Variants in TMEM31 observed in about 807,000 individuals in gnomAD.
TMEM31 encodes the protein testicular secretory protein Li 58.
TMEM31 carries 1 observed loss-of-function variant against 2.4 expected under a neutral mutation model. The observed-to-expected ratio is 0.42, with a 90% confidence interval of 0.15 to 1.97. The LOEUF is 1.97. Among genes scored for constraint, TMEM31 ranks in the 30% most tolerant of loss-of-function variants. TMEM31 has a pLI of 0.30. For synonymous variants in TMEM31, 47 were observed against 45.8 expected (o/e 1.03, Z -0.10); for missense variants, 119 against 121.3 (o/e 0.98, Z 0.09).
intron 2 of TMEM31, 95 bp downstream of exon 2, chrX:103,712,455 C>A: frequency 1.3e-6 from 1 of 752,271 alleles, no homozygotes; most frequent in Non-Finnish European, 1.9e-6. Context: ...GAATTCTTAA[C>A]CACCAATTAG....
rs748123981 is a variant in TMEM31, at chrX:103,713,854, GC to G, written c.366del (p.Ile123SerfsTer43). The G allele has an allele frequency of 2.1e-5, 26 of 1,209,964 alleles. No homozygotes were observed. The South Asian group carries it at 4.2e-4, about 20-fold the overall frequency. On this transcript the variant is annotated frameshift_variant, in exon 3 of 3. Coordinates refer to ENST00000319560, the MANE Select transcript of TMEM31 (RefSeq NM_182541.2). LOFTEE classifies it low-confidence loss of function (END_TRUNC). Reference sequence around the variant, plus strand: ...AAGCCCAGATGGAAAAGATCGGACTGCCCATCATACTCCACCTCTTCGCACT... The same window carrying G: ...AAGCCCAGATGGAAAAGATCGGACTGCCATCATACTCCACCTCTTCGCACT... Reference protein sequence around the residue: ...LKAQMEKIGLPIILHLFALST... With the variant: ...LKAQMEKIGLXIILHLFALST...
At position 103,713,849 on chromosome X, in the gene TMEM31, G is replaced by A. The variant is rs765110784; in HGVS notation, c.358G>A (p.Gly120Arg). ...TCTGAAAGCCCAGATGGAAAAGATC[G>A]GACTGCCCATCATACTCCACCTCTT... ...HCLKAQMEKI[G>R]LPIILHLFAL... The change falls in exon 3 of 3, where the codon GGA becomes AGA. Residue 120 changes from glycine (G) to arginine (R), a missense_variant. Physicochemically the swap from Gly to Arg is moderately radical, Grantham distance 125. Transcript: ENST00000319560. The A allele has an allele frequency of 9.9e-6, 12 of 1,209,751 alleles. No homozygotes were observed. The highest frequency in any genetic ancestry group is 3.5e-5 in the African/African-American group (2 of 57,039).
At chrX:103,712,401 C>G (rs757954264) in intron 2 of TMEM31, 41 bp downstream of exon 2, 3 of 1,073,741 alleles carry the variant, frequency 2.8e-6, no homozygotes, top group Non-Finnish European at 3.8e-6. Flanking sequence ...TTATGGGGGT[C>G]CTCTTATAAT....
chrX:103,711,768 T>C (rs1419714929), intron 1 of TMEM31, among the ~76,000 whole-genome samples: 1 of 111,468 alleles, frequency 9.0e-6, no homozygotes, highest in Non-Finnish European at 1.9e-5. Flanking sequence ...GCAAGGGACA[T>C]GAAACCAAGG....
rs1194413814 is a variant in TMEM31, at chrX:103,714,012, A to G, written c.*14A>G. The G allele has an allele frequency of 2.6e-6, 3 of 1,162,520 alleles. No individual in the cohort carries two copies. The highest frequency in any genetic ancestry group is 3.4e-6 in the Non-Finnish European group (3 of 872,763). On this transcript the variant is annotated 3_prime_UTR_variant, in exon 3 of 3. Coordinates refer to ENST00000319560, the MANE Select transcript of TMEM31 (RefSeq NM_182541.2). ...ATCTTCTTCTGATTCTTTTGTTTCAATAAACAGCAATGAGCATGAACACTG... is the reference window on the plus strand; with the variant it reads ...ATCTTCTTCTGATTCTTTTGTTTCAGTAAACAGCAATGAGCATGAACACTG...
At chrX:103,711,535 C>A (rs2074224068) in intron 1 of TMEM31, among the ~76,000 whole-genome samples, 1 of 110,369 alleles carries the variant, frequency 9.1e-6, no homozygotes, top group Non-Finnish European at 1.9e-5. Flanking sequence ...TTTTCTTGCC[C>A]TTCTGCTAGG....
intron 2 of TMEM31, 169 bp from the exon 3 acceptor site, chrX:103,713,425 C>A: frequency 1.0e-6 from 1 of 982,896 alleles, no homozygotes; most frequent in Non-Finnish European, 1.4e-6. Context: ...CTAGTCCTTG[C>A]AGCCCTGGGG....
Position 103,713,998 on chromosome X carries a change from A to G in TMEM31, c.507A>G (p.Ter169TrpextTer9), listed in dbSNP as rs749553961. 7 of 1,176,562 alleles carry G rather than the reference A, an allele frequency of 5.9e-6. No individual in the cohort carries two copies. Among genetic ancestry groups the G allele is most frequent in the Non-Finnish European group, 6.8e-6 (6 of 879,029 alleles). Reference sequence around the variant, plus strand: ...TTGTCTTCATTCTGATCTTCTTCTGATTCTTTTGTTTCAATAAACAGCAAT... The same window carrying G: ...TTGTCTTCATTCTGATCTTCTTCTGGTTCTTTTGTTTCAATAAACAGCAAT... ...FIIVFILIFF[*>W] Residue 169 changes from the stop codon to tryptophan (W), a stop_lost, in exon 3 of 3, where the codon TGA (stop) becomes TGG (tryptophan). Transcript: ENST00000319560.
chrX:103,712,303 C>T lies in TMEM31; in HGVS notation c.45C>T (p.Pro15=), dbSNP rs770772333. The T allele has an allele frequency of 2.5e-5, 30 of 1,208,618 alleles. No homozygotes were observed. The East Asian group carries it at 3.9e-4, about 16-fold the overall frequency. The change falls in exon 2 of 3, where the codon CCC becomes CCT. Residue 15 remains proline, a synonymous_variant. Coordinates refer to ENST00000319560, the MANE Select transcript of TMEM31 (RefSeq NM_182541.2). ...GTGAGGGAGAACAACAACTCAAGCCCAACAACTCTAATGCACCCAATGAAG... is the reference window on the plus strand; with the variant it reads ...GTGAGGGAGAACAACAACTCAAGCCTAACAACTCTAATGCACCCAATGAAG... ...EKSEGEQQLK[P]NNSNAPNEDQ... is the part of the protein sequence containing the mutation.
chrX:103,713,180 T>A (rs1218820655), intron 2 of TMEM31, among the ~76,000 whole-genome samples: 1 of 109,946 alleles, frequency 9.1e-6, no homozygotes, highest in African/African-American at 3.3e-5. Context: ...AAACTCCGCC[T>A]CCTGGGTTCA....
At position 103,712,366 on chromosome X, in the gene TMEM31, T is replaced by G; in HGVS notation, c.102+6T>G. On this transcript the variant is annotated splice_donor_region_variant and intron_variant, in intron 2 of 2. Coordinates refer to ENST00000319560, the MANE Select transcript of TMEM31 (RefSeq NM_182541.2). Reference sequence around the variant, plus strand: ...AAATCCAACAGTCAGAACAGGCAAGTGGTGGTTTCTCAATTCCAACTTAGT... The same window carrying G: ...AAATCCAACAGTCAGAACAGGCAAGGGGTGGTTTCTCAATTCCAACTTAGT... The G allele has an allele frequency of 1.7e-6, 2 of 1,192,761 alleles. No homozygotes were observed. Among genetic ancestry groups the G allele is most frequent in the Non-Finnish European group, 2.3e-6 (2 of 884,600 alleles).
chrX:103,713,510 T>C, intron 2 of TMEM31, 84 bp from the exon 3 acceptor site: 1 of 1,208,814 alleles, frequency 8.3e-7, no homozygotes, highest in Non-Finnish European at 1.1e-6. Flanking sequence ...CGCTCCCTAG[T>C]TGTACTCACC....
rs2074234584 is a variant in TMEM31, at chrX:103,713,856, C to T, written c.365C>T (p.Pro122Leu). ...GCCCAGATGGAAAAGATCGGACTGC[C>T]CATCATACTCCACCTCTTCGCACTC... ...LKAQMEKIGL[P>L]IILHLFALST... The change falls in exon 3 of 3, where the codon CCC (proline) becomes CTC (leucine). Residue 122 changes from proline (P) to leucine (L), a missense_variant. Pro to Leu is a moderately conservative substitution (Grantham distance 98, BLOSUM62 -3). Transcript: ENST00000319560. 4 of 1,210,010 alleles carry T rather than the reference C, an allele frequency of 3.3e-6. No individual in the cohort carries two copies. Among genetic ancestry groups the T allele is most frequent in the Non-Finnish European group, 3.4e-6 (3 of 895,214 alleles).
Position 103,713,617 on chromosome X carries a change from A to T in TMEM31, c.126A>T (p.Thr42=), listed in dbSNP as rs769015860. Residue 42 remains threonine (T), a synonymous_variant, in exon 3 of 3, where the codon ACA becomes ACT. Coordinates refer to ENST00000319560, the MANE Select transcript of TMEM31 (RefSeq NM_182541.2). ...AGCATACTCCAGCAAGGCAGCGAAC[A>T]CAAAGAGCAGACACACAGCCATCCA... ...SEQHTPARQR[T]QRADTQPSRC... is the part of the protein sequence containing the mutation. 1.1e-5 allele frequency: 13 copies of T among 1,210,655 alleles called. No individual in the cohort carries two copies. The African/African-American group carries it at 1.7e-4, about 16-fold the overall frequency.
rs1221976495 is a variant in TMEM31 at position 103,713,947 on chromosome X, T to A, written c.456T>A (p.Leu152=). Reference sequence around the variant, plus strand: ...TTTCCCTTTCTTTCTTTATTCTTCTTGTACTTCTGCTTCTGCTTTTTATTA... The same window carrying A: ...TTTCCCTTTCTTTCTTTATTCTTCTAGTACTTCTGCTTCTGCTTTTTATTA... ...TILSLSFFIL[L]VLLLLLFIIV... Residue 152 remains leucine, a synonymous_variant, in exon 3 of 3, where the codon CTT becomes CTA. Transcript: ENST00000319560. 1 of 1,207,752 alleles carries A rather than the reference T, an allele frequency of 8.3e-7. No individual in the cohort carries two copies. Among genetic ancestry groups the A allele is most frequent in the Non-Finnish European group, 1.1e-6 (1 of 894,038 alleles).
rs747142138 is a variant in TMEM31, at chrX:103,713,943, T to C, written c.452T>C (p.Leu151Pro). The C allele has an allele frequency of 1.1e-5, 13 of 1,207,824 alleles. No individual in the cohort carries two copies. The highest frequency in any genetic ancestry group is 1.2e-5 in the Non-Finnish European group (11 of 894,072). Residue 151 changes from leucine to proline, a missense_variant, in exon 3 of 3, where the codon CTT becomes CCT. Physicochemically the swap from Leu to Pro is moderately conservative, Grantham distance 98. Transcript: ENST00000319560. The stretch of plus-strand genomic sequence containing the variant: ...ATTCTTTCCCTTTCTTTCTTTATTC[T>C]TCTTGTACTTCTGCTTCTGCTTTTT... ...PTILSLSFFILLVLLLLLFII... is the reference protein window; with the variant it reads ...PTILSLSFFIPLVLLLLLFII...
chrX:103,713,891 T>C lies in TMEM31; in HGVS notation c.400T>C (p.Tyr134His), dbSNP rs1402672631. 8.2e-7 allele frequency: 1 copy of C among 1,212,219 alleles called. No individual in the cohort carries two copies. The highest frequency in any genetic ancestry group is 1.1e-6 in the Non-Finnish European group (1 of 895,615). Reference protein sequence around the residue: ...ILHLFALSTLYFYKFFLPTIL... With the variant: ...ILHLFALSTLHFYKFFLPTIL... Reference sequence around the variant, plus strand: ...CCACCTCTTCGCACTCTCCACCCTCTACTTCTACAAGTTTTTCCTTCCTAC... The same window carrying C: ...CCACCTCTTCGCACTCTCCACCCTCCACTTCTACAAGTTTTTCCTTCCTAC... Residue 134 changes from tyrosine to histidine, a missense_variant, in exon 3 of 3, where the codon TAC (tyrosine) becomes CAC (histidine). Transcript: ENST00000319560.
chrX:103,712,819 G>A (rs764313101), intron 2 of TMEM31, among the ~76,000 whole-genome samples: 29 of 112,007 alleles, frequency 2.6e-4, no homozygotes, highest in African/African-American at 8.8e-4. Flanking sequence ...GTGAGCCCCC[G>A]TGCCTGGCAA....
intron 2 of TMEM31, among the ~76,000 whole-genome samples, chrX:103,713,265 T>C (rs770464545): frequency 8.9e-6 from 1 of 111,769 alleles, no homozygotes; most frequent in Non-Finnish European, 1.9e-5. Context: ...TAATTTTGTA[T>C]TTTTAGTAGA....
Sources: allele counts gnomAD v4.1 joint callset (sites outside exome capture counted in the v4.1 genomes callset), GRCh38; gene constraint gnomAD v4.1.1; transcripts MANE v1.5; gene names NCBI Gene and HGNC (gene_info 2026-07-23, HGNC 2026-07-21).